The following CNTNAP2 variants were observed in gnomAD, a reference collection of about 807,000 sequenced individuals.
The protein encoded by CNTNAP2 is contactin associated protein 2.
Under a neutral mutation model 155.2 loss-of-function variants are expected in CNTNAP2, and 98 were observed. That is an observed-to-expected ratio of 0.63 (90% CI 0.54 to 0.75). CNTNAP2 has a LOEUF of 0.75. Ranked by LOEUF, CNTNAP2 falls within the 30% of genes least tolerant of loss-of-function variation. CNTNAP2 has a pLI of 0.00. For synonymous variants in CNTNAP2, 651 were observed against 631.2 expected, an observed-to-expected ratio of 1.03 and a Z score of -0.47; for missense variants, 1,727 against 1,688.1, an observed-to-expected ratio of 1.02 and a Z score of -0.40.
At chr7:148,122,142 T>G (rs1387424059) in intron 16 of CNTNAP2, among the ~76,000 whole-genome samples, 1 of 152,166 alleles carries the variant, frequency 6.6e-6, no homozygotes, top group Non-Finnish European at 1.5e-5. Context: ...CACATCTCCA[T>G]TTTACAAACG....
At chr7:146,279,214 G>A (rs1353827028) in intron 1 of CNTNAP2, among the ~76,000 whole-genome samples, 3 of 152,016 alleles carry the variant, frequency 2.0e-5, no homozygotes, top group Non-Finnish European at 4.4e-5. Flanking sequence ...GAATGTTGTT[G>A]TCTTTGTTGT....
At chr7:148,333,597 T>C (rs900624895) in intron 21 of CNTNAP2, among the ~76,000 whole-genome samples, 2 of 152,160 alleles carry the variant, frequency 1.3e-5, no homozygotes, top group African/African-American at 4.8e-5. Flanking sequence ...CCTCACACAG[T>C]ATCAGCTACA....
chr7:146,547,846 T>TTC (rs36002217), intron 1 of CNTNAP2, among the ~76,000 whole-genome samples: 14 of 21,974 alleles, frequency 6.4e-4, no homozygotes, highest in African/African-American at 5.8e-3. Context: ...TTTATCATGG[T>TTC]TTTTTTTTTT....
intron 1 of CNTNAP2, among the ~76,000 whole-genome samples, chr7:146,761,996 C>G (rs1349321685): frequency 6.6e-6 from 1 of 152,038 alleles, no homozygotes; most frequent in Admixed American, 6.6e-5. Context: ...GCCAGATTAA[C>G]AGAAATTAAA....
chr7:147,713,941 T>C (rs1404629198), intron 13 of CNTNAP2, among the ~76,000 whole-genome samples: 1 of 152,154 alleles, frequency 6.6e-6, no homozygotes, highest in Non-Finnish European at 1.5e-5. Context: ...AACAATGTAT[T>C]AGATGCTTAA....
chr7:147,125,690 G>A (rs1032901323), intron 6 of CNTNAP2, among the ~76,000 whole-genome samples: 8 of 152,156 alleles, frequency 5.3e-5, no homozygotes, highest in African/African-American at 1.4e-4. Flanking sequence ...GGAGAAGCCC[G>A]AGTTTGAACC....
chr7:146,266,682 A>G (rs1799998972), intron 1 of CNTNAP2, among the ~76,000 whole-genome samples: 1 of 152,212 alleles, frequency 6.6e-6, no homozygotes, highest in South Asian at 2.1e-4. Flanking sequence ...CTAAACAGAG[A>G]AAACAAGACA....
In CNTNAP2 at chr7:146,474,993, G is replaced by GCACGCA. The variant is rs1191827945; in HGVS notation, c.98-299277_98-299276insACGCAC. On this transcript the variant is annotated intron_variant, in intron 1 of 23. Coordinates refer to ENST00000361727, the MANE Select transcript of CNTNAP2 (RefSeq NM_014141.6). ...GCTTGAAACATATGCCTGAGCACGA[G>GCACGCA]CGCGCACGCGCGCGCGCGCGCACAC... 7.8e-3 allele frequency among the ~76,000 whole-genome samples: 1,009 copies of GCACGCA among 128,698 alleles called. 10 individuals are homozygous for GCACGCA. Among genetic ancestry groups the GCACGCA allele is most frequent in the African/African-American group, 0.031 (961 of 30,950 alleles). The allele number at this position is 128,698 out of a possible 152,430, so 84.4% of individuals were successfully genotyped here. A position where few individuals can be genotyped will look rare whatever the true frequency, so the allele number is the denominator to read the frequency against.
chr7:147,438,047 C>A (rs1009722082), intron 10 of CNTNAP2, among the ~76,000 whole-genome samples: 15 of 151,992 alleles, frequency 9.9e-5, no homozygotes, highest in African/African-American at 3.6e-4. Context: ...TAAGATCATA[C>A]TATCTGAAAA....
At chr7:147,278,227 C>G (rs1804948008) in intron 8 of CNTNAP2, among the ~76,000 whole-genome samples, 1 of 151,134 alleles carries the variant, frequency 6.6e-6, no homozygotes, top group South Asian at 2.1e-4. Flanking sequence ...TAAATAGAAA[C>G]TTTTCCATGA....
At chr7:146,724,805 G>C (rs149612521) in intron 1 of CNTNAP2, among the ~76,000 whole-genome samples, 13 of 151,940 alleles carry the variant, frequency 8.6e-5, no homozygotes, top group Non-Finnish European at 1.3e-4. Context: ...TCCTGACCTC[G>C]TGATGCACCT....
chr7:146,762,299 C>G (rs1025105059), intron 1 of CNTNAP2, among the ~76,000 whole-genome samples: 17 of 152,066 alleles, frequency 1.1e-4, no homozygotes, highest in African/African-American at 4.1e-4. Context: ...GTTACTGAAG[C>G]CCAGTTCCTA....
intron 1 of CNTNAP2, among the ~76,000 whole-genome samples, chr7:146,704,813 C>G (rs946029759): frequency 6.6e-6 from 1 of 152,168 alleles, no homozygotes; most frequent in African/African-American, 2.4e-5. Flanking sequence ...CAAACCTCAT[C>G]TAGTCATCTT....
chr7:148,411,248 A>G (rs975136499), intron 23 of CNTNAP2, among the ~76,000 whole-genome samples: 14 of 152,030 alleles, frequency 9.2e-5, no homozygotes, highest in Admixed American at 5.9e-4. Flanking sequence ...TATAAGTGTA[A>G]CAAGTCCGTA....
At chr7:146,912,422 A>G (rs1325921983) in intron 3 of CNTNAP2, among the ~76,000 whole-genome samples, 1 of 152,128 alleles carries the variant, frequency 6.6e-6, no homozygotes, top group East Asian at 1.9e-4. Context: ...TTTTTTATCC[A>G]TAATAAGAAA....
At chr7:146,871,514 AG>A (rs1189874585) in intron 3 of CNTNAP2, among the ~76,000 whole-genome samples, 2 of 151,958 alleles carry the variant, frequency 1.3e-5, no homozygotes, top group African/African-American at 4.8e-5. Flanking sequence ...TGGGTGACTG[AG>A]CAAGGCTCCG....
chr7:146,566,941 A>ATTTATTT, intron 1 of CNTNAP2, among the ~76,000 whole-genome samples: 1 of 152,188 alleles, frequency 6.6e-6, no homozygotes, highest in Admixed American at 6.5e-5. Flanking sequence ...TTATTTACTT[A>ATTTATTT]TTTATTTTTT....
At chr7:146,485,408 C>T (rs1275095975) in intron 1 of CNTNAP2, among the ~76,000 whole-genome samples, 1 of 151,938 alleles carries the variant, frequency 6.6e-6, no homozygotes. Flanking sequence ...ATAATGATAC[C>T]AATTGAGAGA....
chr7:147,106,539 G>A (rs1800769858), intron 4 of CNTNAP2, among the ~76,000 whole-genome samples: 1 of 152,006 alleles, frequency 6.6e-6, no homozygotes, highest in Non-Finnish European at 1.5e-5. Context: ...GGGCAATAAA[G>A]AGCTGATTAT....
Sources: allele counts gnomAD v4.1 joint callset (sites outside exome capture counted in the v4.1 genomes callset), GRCh38; gene constraint gnomAD v4.1.1; transcripts MANE v1.5; gene names NCBI Gene and HGNC (gene_info 2026-07-23, HGNC 2026-07-21).